SLC13A3: variants seen among roughly 807,000 people sequenced by gnomAD.
The protein encoded by SLC13A3 is solute carrier family 13 member 3, also known as Na(+)/dicarboxylate cotransporter 3.
A neutral mutation model predicts 59.0 loss-of-function variants in SLC13A3; 40 were observed. The observed-to-expected ratio is 0.68, with a 90% CI of 0.53 to 0.88. SLC13A3 has a LOEUF of 0.88. Ranked by LOEUF, SLC13A3 falls within the 40% of genes least tolerant of loss-of-function variation. SLC13A3 has a pLI of 0.00. For synonymous variants in SLC13A3, 317 were observed against 330.3 expected, an observed-to-expected ratio of 0.96 and a Z score of 0.44; for missense variants, 699 against 783.2, an observed-to-expected ratio of 0.89 and a Z score of 1.28.
intron 1 of SLC13A3, among the ~76,000 whole-genome samples, chr20:46,679,279 G>A (rs554440788): frequency 1.2e-4 from 18 of 152,300 alleles, no homozygotes; most frequent in South Asian, 4.1e-4. Flanking sequence ...AGGGTAGGCC[G>A]GGTGCCATGG....
intron 1 of SLC13A3, among the ~76,000 whole-genome samples, chr20:46,676,698 C>T (rs1350944259): frequency 3.3e-5 from 5 of 151,824 alleles, no homozygotes; most frequent in Admixed American, 2.0e-4. Context: ...AGATCCTTCC[C>T]GCCTCAGCCT....
intron 3 of SLC13A3, among the ~76,000 whole-genome samples, chr20:46,602,112 T>C (rs1219262125): frequency 6.6e-6 from 1 of 152,146 alleles, no homozygotes; most frequent in East Asian, 1.9e-4. Flanking sequence ...GGCAGGAGGA[T>C]TGCTTGAGCC....
At chr20:46,662,203 C>T (rs916698586) in intron 1 of SLC13A3, among the ~76,000 whole-genome samples, 2 of 152,034 alleles carry the variant, frequency 1.3e-5, no homozygotes, top group African/African-American at 4.8e-5. Context: ...TCTTTGTGTC[C>T]TCAGCTTTCC....
chr20:46,639,404 A>T (rs773511827), intron 1 of SLC13A3, among the ~76,000 whole-genome samples: 1 of 152,160 alleles, frequency 6.6e-6, no homozygotes, highest in Non-Finnish European at 1.5e-5. Flanking sequence ...GGTTGCAGTG[A>T]GCTGAGATCG....
intron 1 of SLC13A3, among the ~76,000 whole-genome samples, chr20:46,662,762 G>T (rs942382211): frequency 6.6e-6 from 1 of 152,202 alleles, no homozygotes; most frequent in Non-Finnish European, 1.5e-5. Context: ...CTTTTGAATT[G>T]GGTGAGATTA....
At chr20:46,583,263 A>G (rs1324631328) in intron 9 of SLC13A3, 10 of 632,838 alleles carry the variant, frequency 1.6e-5, no homozygotes, top group Non-Finnish European at 2.1e-5. Flanking sequence ...TTTCACATGT[A>G]GTAAAATGTT....
chr20:46,627,796 T>C (rs1334986336), intron 1 of SLC13A3, among the ~76,000 whole-genome samples: 1 of 152,210 alleles, frequency 6.6e-6, no homozygotes, highest in Non-Finnish European at 1.5e-5. Flanking sequence ...TGTCAAGATG[T>C]TGACAGATTA....
Position 46,575,701 on chromosome 20 carries a change from G to C in SLC13A3, c.1220-16C>G. The C allele has an allele frequency of 6.6e-7, 1 of 1,520,608 alleles. No individual in the cohort carries two copies. Among genetic ancestry groups the C allele is most frequent in the Non-Finnish European group, 9.0e-7 (1 of 1,112,916 alleles). The allele number at this position is 1,520,608 out of a possible 1,614,324, so 94.2% of individuals were successfully genotyped here. A position where few individuals can be genotyped will look rare whatever the true frequency, so the allele number is the denominator to read the frequency against. On this transcript the variant is annotated splice_polypyrimidine_tract_variant and intron_variant, in intron 9 of 12. Coordinates refer to ENST00000279027, the MANE Select transcript of SLC13A3 (RefSeq NM_022829.6). ...GTGTTGGGAGCTGGGCAGAGAGAGGGATTCAGCACACACTCAGGGCCGCTC... is the reference window on the plus strand; with the variant it reads ...GTGTTGGGAGCTGGGCAGAGAGAGGCATTCAGCACACACTCAGGGCCGCTC...
intron 1 of SLC13A3, among the ~76,000 whole-genome samples, chr20:46,635,330 T>G (rs2062785048): frequency 6.6e-6 from 1 of 152,110 alleles, no homozygotes; most frequent in South Asian, 2.1e-4. Context: ...CCTGGTTAGA[T>G]GAGAGAGAAC....
At chr20:46,574,096 C>T (rs938734859) in intron 10 of SLC13A3, among the ~76,000 whole-genome samples, 5 of 152,122 alleles carry the variant, frequency 3.3e-5, no homozygotes, top group African/African-American at 9.7e-5. Flanking sequence ...CTTTTGCCTC[C>T]GATTCCTCAT....
chr20:46,612,123 GC>G (rs2062504278), intron 2 of SLC13A3, among the ~76,000 whole-genome samples: 2 of 68,896 alleles, frequency 2.9e-5, no homozygotes, highest in African/African-American at 1.6e-4. Context: ...CTCTCTCTTT[GC>G]TTTTTTTTTT....
chr20:46,580,345 C>G (rs761218), intron 9 of SLC13A3, among the ~76,000 whole-genome samples: 56,795 of 151,614 alleles, frequency 0.37, 10,836 homozygotes, highest in Admixed American at 0.4. Flanking sequence ...AGGAAAGATT[C>G]ACAAGGAGGG....
intron 9 of SLC13A3, among the ~76,000 whole-genome samples, chr20:46,576,047 G>C (rs2062072683): frequency 6.6e-6 from 1 of 152,190 alleles, no homozygotes; most frequent in Non-Finnish European, 1.5e-5. Context: ...GAAAGAAAAA[G>C]AGGAAGGAAA....
At chr20:46,613,436 G>A in intron 2 of SLC13A3, 24 bp downstream of exon 2, 7 of 1,556,342 alleles carry the variant, frequency 4.5e-6, no homozygotes, top group Non-Finnish European at 5.2e-6. Flanking sequence ...CCGCTGTAGG[G>A]CTGGAACCAT....
intron 1 of SLC13A3, among the ~76,000 whole-genome samples, chr20:46,617,617 T>C (rs1031757681): frequency 1.3e-5 from 2 of 150,614 alleles, no homozygotes; most frequent in Admixed American, 1.3e-4. Flanking sequence ...TGCGTGTGTG[T>C]GTGTGTGTGT....
chr20:46,603,351 G>A (rs2062399983), intron 3 of SLC13A3, among the ~76,000 whole-genome samples: 1 of 152,096 alleles, frequency 6.6e-6, no homozygotes, highest in Non-Finnish European at 1.5e-5. Context: ...CTTGAGTGTG[G>A]CTAAACTTTT....
At chr20:46,630,326 A>G (rs934659985) in intron 1 of SLC13A3, among the ~76,000 whole-genome samples, 3 of 152,132 alleles carry the variant, frequency 2.0e-5, no homozygotes, top group South Asian at 2.1e-4. Context: ...AGCCTCCTCA[A>G]TCAGTTCATC....
At chr20:46,678,061 C>T (rs1293177638) in intron 1 of SLC13A3, among the ~76,000 whole-genome samples, 2 of 152,332 alleles carry the variant, frequency 1.3e-5, no homozygotes, top group East Asian at 1.9e-4. Context: ...GTTACAGCCA[C>T]CCACTGGACC....
chr20:46,664,651 T>C (rs911825391), intron 1 of SLC13A3, among the ~76,000 whole-genome samples: 6 of 152,244 alleles, frequency 3.9e-5, no homozygotes, highest in Middle Eastern at 6.8e-3. Flanking sequence ...GATGAAAATA[T>C]GACAAATCTG....
Sources: gnomAD v4.1 joint callset for allele counts (sites outside exome capture counted in the v4.1 genomes callset) on GRCh38, gnomAD v4.1.1 for gene constraint, MANE v1.5 for transcripts, NCBI Gene and HGNC (gene_info 2026-07-23, HGNC 2026-07-21) for gene names.